The following LPGAT1 variants were observed in gnomAD, a reference collection of about 807,000 sequenced individuals.
The protein encoded by LPGAT1 is lysophosphatidylglycerol acyltransferase 1.
Under a neutral mutation model 47.5 loss-of-function variants are expected in LPGAT1, and 11 were observed. That is an observed-to-expected ratio of 0.23 (90% confidence interval 0.15 to 0.38). The LOEUF is 0.38. LPGAT1 is among the 10% of genes least tolerant of loss of function. The pLI is 1.00. For synonymous variants in LPGAT1, 138 were observed against 144.2 expected (o/e 0.96, Z 0.31); for missense variants, 293 against 439.0 (o/e 0.67, Z 2.97).
intron 6 of LPGAT1, among the ~76,000 whole-genome samples, chr1:211,751,818 A>G (rs1363435584): frequency 6.6e-6 from 1 of 152,204 alleles, no homozygotes; most frequent in Non-Finnish European, 1.5e-5. Flanking sequence ...CAAAAAATAT[A>G]TTTGTATGAA....
rs1656892838 is a variant in LPGAT1, at chr1:211,745,130, T to C, written c.*4769A>G. ...ACCAAAATCATCCCAAATGCATTCA[T>C]AAACCAGATCCACGTGTGACCAGCC... On this transcript the variant is annotated 3_prime_UTR_variant, in exon 8 of 8. Transcript: ENST00000366997. 1 of 152,616 alleles carries C rather than the reference T, an allele frequency of 6.6e-6. No individual in the cohort carries two copies. The highest frequency in any genetic ancestry group is 6.5e-5 in the Admixed American group (1 of 15,282). The allele number at this position is 152,616 out of a possible 1,614,324, so 9.5% of individuals were successfully genotyped here.
chr1:211,808,398 T>C (rs1411069463), intron 2 of LPGAT1, among the ~76,000 whole-genome samples: 2 of 145,494 alleles, frequency 1.4e-5, no homozygotes, highest in Admixed American at 6.9e-5. Flanking sequence ...GAGAACAAAC[T>C]ACCCAATTAA....
chr1:211,819,453 T>C (rs998101756), intron 2 of LPGAT1, among the ~76,000 whole-genome samples: 4 of 152,084 alleles, frequency 2.6e-5, no homozygotes, highest in African/African-American at 9.7e-5. Flanking sequence ...GAATGCACCA[T>C]GGTATTACAG....
chr1:211,778,214 C>T lies in LPGAT1; in HGVS notation c.854+704G>A, dbSNP rs77859625. 6.2e-3 allele frequency among the ~76,000 whole-genome samples: 935 copies of T among 151,962 alleles called. 8 individuals carry two copies. The highest frequency in any genetic ancestry group is 0.021 in the African/African-American group (887 of 41,458). ...AAAATTAGCCGGGCATGGTGGCGGG[C>T]GCCTGTAGTCCCAGTTACTCGGGAG... On this transcript the variant is annotated intron_variant, in intron 6 of 7. Transcript: ENST00000366997.
rs186824389 is a variant in LPGAT1 at position 211,808,942 on chromosome 1, A to G, written c.239-15752T>C. Among the ~76,000 whole-genome samples, 19 of 152,260 alleles carry G rather than the reference A, an allele frequency of 1.2e-4. No individual in the cohort carries two copies. In the East Asian group the frequency reaches 3.7e-3, roughly 29 times the overall value. On this transcript the variant is annotated intron_variant, in intron 2 of 7. Transcript: ENST00000366997. ...GCCAGGCACGGTGGCTCACGCCTGT[A>G]ATCCCAGCACTTTGGGAGGCTGAGG...
intron 2 of LPGAT1, among the ~76,000 whole-genome samples, chr1:211,801,395 C>G (rs1169415024): frequency 6.6e-6 from 1 of 152,098 alleles, no homozygotes; most frequent in Non-Finnish European, 1.5e-5. Context: ...CCAGTCATTT[C>G]TCTTCAATTT....
At chr1:211,792,711 C>CTT (rs34552405) in intron 3 of LPGAT1, among the ~76,000 whole-genome samples, 34,612 of 104,534 alleles carry the variant, frequency 0.33, 8,514 homozygotes, top group Non-Finnish European at 0.43. Flanking sequence ...AATTGATTCC[C>CTT]TTTTTTTTTT....
chr1:211,807,509 C>A (rs1002721198), intron 2 of LPGAT1, among the ~76,000 whole-genome samples: 1 of 151,728 alleles, frequency 6.6e-6, no homozygotes, highest in Admixed American at 6.6e-5. Context: ...TTAAAACTTA[C>A]CATAAAACTA....
intron 3 of LPGAT1, among the ~76,000 whole-genome samples, chr1:211,789,827 C>CACCACTG (rs1659033204): frequency 6.8e-6 from 1 of 148,004 alleles, no homozygotes; most frequent in South Asian, 2.1e-4. Flanking sequence ...GCTGAAATGG[C>CACCACTG]ACCACTGCAC....
intron 2 of LPGAT1, among the ~76,000 whole-genome samples, chr1:211,802,108 A>T (rs1209318960): frequency 6.6e-6 from 1 of 151,818 alleles, no homozygotes; most frequent in Non-Finnish European, 1.5e-5. Flanking sequence ...AAAAAGAGAA[A>T]AAAAGAAAGA....
chr1:211,773,515 T>C (rs1214016526), intron 6 of LPGAT1, among the ~76,000 whole-genome samples: 2 of 152,210 alleles, frequency 1.3e-5, no homozygotes, highest in African/African-American at 4.8e-5. Context: ...TAGTAATCTA[T>C]CTATGCCACT....
intron 2 of LPGAT1, among the ~76,000 whole-genome samples, chr1:211,799,426 A>G (rs1659477838): frequency 6.6e-6 from 1 of 152,228 alleles, no homozygotes; most frequent in Non-Finnish European, 1.5e-5. Context: ...TATGCAAATG[A>G]GGAAAATGAG....
chr1:211,821,011 T>C (rs1571768890), intron 2 of LPGAT1, among the ~76,000 whole-genome samples: 1 of 152,152 alleles, frequency 6.6e-6, no homozygotes, highest in Non-Finnish European at 1.5e-5. Context: ...TAACATTTAA[T>C]ATCAGAAGAC....
chr1:211,774,474 CAG>C (rs906997859), intron 6 of LPGAT1, among the ~76,000 whole-genome samples: 26 of 152,254 alleles, frequency 1.7e-4, no homozygotes, highest in African/African-American at 6.3e-4. Flanking sequence ...CCGCCAAAGT[CAG>C]GGCAACTTCT....
Position 211,757,530 on chromosome 1 carries a change from G to A in LPGAT1, c.855-6463C>T, listed in dbSNP as rs377004707. On this transcript the variant is annotated intron_variant, in intron 6 of 7. Transcript: ENST00000366997. Reference sequence around the variant, plus strand: ...GATCATTTAAGGTCAGCATTATTGTGCTTCCAGGTTTTTTGGGTTCAGCAA... The same window carrying A: ...GATCATTTAAGGTCAGCATTATTGTACTTCCAGGTTTTTTGGGTTCAGCAA... Among the ~76,000 whole-genome samples, 47 of 152,296 alleles carry A rather than the reference G, an allele frequency of 3.1e-4. 1 individual carries two copies. In the South Asian group the frequency reaches 8.9e-3, roughly 29 times the overall value.
At chr1:211,775,707 T>C (rs1308395852) in intron 6 of LPGAT1, among the ~76,000 whole-genome samples, 1 of 152,060 alleles carries the variant, frequency 6.6e-6, no homozygotes, top group African/African-American at 2.4e-5. Context: ...AGTGGGTGGA[T>C]CACCTGAGGT....
intron 2 of LPGAT1, among the ~76,000 whole-genome samples, chr1:211,802,177 T>A (rs1461309727): frequency 6.6e-6 from 1 of 151,820 alleles, no homozygotes; most frequent in Non-Finnish European, 1.5e-5. Flanking sequence ...TCACTTCTTT[T>A]CTATGAAGCC....
chr1:211,765,111 A>G (rs879866545), intron 6 of LPGAT1, among the ~76,000 whole-genome samples: 9 of 152,206 alleles, frequency 5.9e-5, no homozygotes, highest in Non-Finnish European at 1.3e-4. Context: ...AAAATCTGAC[A>G]TTGGTTTCTC....
intron 4 of LPGAT1, among the ~76,000 whole-genome samples, chr1:211,786,838 T>C (rs186574586): frequency 6.6e-6 from 1 of 152,318 alleles, no homozygotes; most frequent in African/African-American, 2.4e-5. Flanking sequence ...CAGTGCCTTG[T>C]AAATAAAAGT....
Sources: allele counts gnomAD v4.1 joint callset (sites outside exome capture counted in the v4.1 genomes callset), GRCh38; gene constraint gnomAD v4.1.1; transcripts MANE v1.5; gene names NCBI Gene and HGNC (gene_info 2026-07-23, HGNC 2026-07-21).